The following PTPRT variants were observed in gnomAD, a reference collection of about 807,000 sequenced individuals.
PTPRT encodes receptor-type tyrosine-protein phosphatase T.
PTPRT carries 56 observed loss-of-function variants against 176.8 expected under a neutral mutation model. The ratio of observed to expected loss-of-function variants is 0.32; its 90% CI spans 0.26 to 0.40. The LOEUF is 0.40. Among genes scored for constraint, PTPRT ranks in the 10% least tolerant of loss-of-function variants. The probability of loss-of-function intolerance (pLI) is 1.00; values close to 1 mark genes in which losing one functional copy is unlikely to be tolerated. For synonymous variants in PTPRT, 783 were observed against 739.0 expected, an observed-to-expected ratio of 1.06 and a Z score of -0.96; for missense variants, 1,540 against 1,908.2, an observed-to-expected ratio of 0.81 and a Z score of 3.60.
intron 7 of PTPRT, among the ~76,000 whole-genome samples, chr20:42,547,411 A>G (rs984902961): frequency 2.6e-5 from 4 of 152,028 alleles, no homozygotes; most frequent in African/African-American, 7.2e-5. Context: ...AAAAAAAAAT[A>G]TATTATTTAG....
At chr20:43,151,027 T>C (rs943229786) in intron 1 of PTPRT, among the ~76,000 whole-genome samples, 4 of 151,866 alleles carry the variant, frequency 2.6e-5, no homozygotes, top group African/African-American at 9.7e-5. Context: ...CATAGACTGG[T>C]CGGGTGTGGT....
intron 1 of PTPRT, among the ~76,000 whole-genome samples, chr20:43,085,563 G>A (rs1027332159): frequency 5.9e-5 from 9 of 152,156 alleles, no homozygotes; most frequent in African/African-American, 2.2e-4. Flanking sequence ...TGGCTTGGGA[G>A]GCCTCACAAT....
chr20:42,390,292 T>C (rs73119348), intron 9 of PTPRT, among the ~76,000 whole-genome samples: 12,700 of 152,240 alleles, frequency 0.083, 659 homozygotes, highest in African/African-American at 0.13. Context: ...TGAAATTACA[T>C]CTCTACTTCA....
intron 9 of PTPRT, among the ~76,000 whole-genome samples, chr20:42,427,743 G>T (rs2059178666): frequency 6.6e-6 from 1 of 152,126 alleles, no homozygotes; most frequent in South Asian, 2.1e-4. Flanking sequence ...AGTAACTGAA[G>T]ATCCACAAAA....
intron 13 of PTPRT, among the ~76,000 whole-genome samples, chr20:42,260,750 G>A (rs565772583): frequency 6.6e-6 from 1 of 152,120 alleles, no homozygotes; most frequent in Non-Finnish European, 1.5e-5. Context: ...CAAAGCCCAG[G>A]CCAGGGCATG....
chr20:42,569,110 AT>A lies in PTPRT; in HGVS notation c.1154-96549del, dbSNP rs1472305335. Among the ~76,000 whole-genome samples the A allele has an allele frequency of 1.4e-3, 166 of 121,110 alleles. 2 individuals are homozygous for A. The highest frequency in any genetic ancestry group is 2.2e-3 in the Non-Finnish European group (129 of 58,924). 79.5% of individuals were successfully genotyped at this position (121,110 alleles called of 152,430 possible). A position where few individuals can be genotyped will look rare whatever the true frequency, so the allele number is the denominator to read the frequency against. On this transcript the variant is annotated intron_variant, in intron 7 of 30. Transcript: ENST00000373187. ...TATATATATATATATATATATATAT[AT>A]AATTTCAACTTTCATGCCATGCCAG...
intron 7 of PTPRT, among the ~76,000 whole-genome samples, chr20:42,521,022 A>G (rs2072165122): frequency 6.6e-6 from 1 of 151,130 alleles, no homozygotes; most frequent in South Asian, 2.1e-4. Context: ...TACCTATCTA[A>G]TCCATCCATC....
At chr20:42,421,135 A>G (rs2059114449) in intron 9 of PTPRT, among the ~76,000 whole-genome samples, 1 of 152,046 alleles carries the variant, frequency 6.6e-6, no homozygotes, top group Admixed American at 6.6e-5. Flanking sequence ...AACCCTCAAA[A>G]AGTAAAGTCT....
Position 42,348,608 on chromosome 20 carries a change from T to C in PTPRT, c.1865+2020A>G, listed in dbSNP as rs2213628. 4.1e-4 allele frequency among the ~76,000 whole-genome samples: 62 copies of C among 152,272 alleles called. No individual in the cohort carries two copies. In the East Asian group the frequency reaches 8.9e-3, roughly 22 times the overall value. ...TATTTGCAAAATGAGGAGACTATTA[T>C]ACAATGTTGCGAGAATACAGGTAGT... On this transcript the variant is annotated intron_variant, in intron 11 of 30. Coordinates refer to ENST00000373187, the MANE Select transcript of PTPRT (RefSeq NM_007050.6).
intron 6 of PTPRT, among the ~76,000 whole-genome samples, chr20:42,694,140 G>A (rs1292634900): frequency 6.6e-6 from 1 of 150,614 alleles, no homozygotes; most frequent in East Asian, 2.0e-4. Context: ...CCAGGTTCAC[G>A]CCATTCTCCT....
intron 1 of PTPRT, among the ~76,000 whole-genome samples, chr20:43,018,444 A>G (rs1985478242): frequency 6.6e-6 from 1 of 152,234 alleles, no homozygotes. Flanking sequence ...CCATGATCTG[A>G]AGGATGAAAA....
intron 9 of PTPRT, among the ~76,000 whole-genome samples, chr20:42,391,645 C>T (rs1468881481): frequency 1.3e-5 from 2 of 151,982 alleles, no homozygotes; most frequent in African/African-American, 4.8e-5. Flanking sequence ...GCCTAAAGAG[C>T]GGGAGGAAGG....
chr20:42,797,063 A>C (rs1276039246), intron 2 of PTPRT, among the ~76,000 whole-genome samples: 1 of 152,198 alleles, frequency 6.6e-6, no homozygotes, highest in African/African-American at 2.4e-5. Context: ...CCATACCCCT[A>C]AAGTTTTGTT....
chr20:42,690,448 C>T (rs533352876), intron 6 of PTPRT, among the ~76,000 whole-genome samples: 33 of 152,132 alleles, frequency 2.2e-4, no homozygotes, highest in African/African-American at 7.5e-4. Flanking sequence ...GGAACTAGGC[C>T]GAGGGTTGGG....
chr20:42,203,771 G>T (rs1178633967), intron 15 of PTPRT, among the ~76,000 whole-genome samples: 1 of 152,168 alleles, frequency 6.6e-6, no homozygotes, highest in Admixed American at 6.5e-5. Flanking sequence ...AAATCACAAA[G>T]ACGATGAACA....
chr20:42,035,508 C>A, the PTPRT span, among the ~76,000 whole-genome samples: 2 of 152,256 alleles, frequency 1.3e-5, no homozygotes, highest in Admixed American at 1.3e-4. Flanking sequence ...AGACCCTCAG[C>A]CTAGAGACCT....
chr20:43,083,345 T>TACATATATATATATATATATAC (rs1555828966), intron 1 of PTPRT, among the ~76,000 whole-genome samples: 1 of 117,378 alleles, frequency 8.5e-6, no homozygotes, highest in African/African-American at 3.1e-5. Flanking sequence ...TATATATATA[T>TACATATATATATATATATATAC]ATATATATAT....
At chr20:42,766,080 A>G (rs2145440009) in intron 5 of PTPRT, among the ~76,000 whole-genome samples, 1 of 152,304 alleles carries the variant, frequency 6.6e-6, no homozygotes, top group Middle Eastern at 3.4e-3. Context: ...GCTCTGTGCT[A>G]CACTTATAAT....
In PTPRT at chr20:42,926,832, A is replaced by G. The variant is rs377261757; in HGVS notation, c.89-40900T>C. On this transcript the variant is annotated intron_variant, in intron 1 of 30. Transcript: ENST00000373187. ...TCAGCAAGGGGGCAGCCAGGCTTAC[A>G]ATGCATCCCCAAGAAAGGACGGCAG... 3.4e-4 allele frequency among the ~76,000 whole-genome samples: 52 copies of G among 152,300 alleles called. 2 individuals carry two copies. The South Asian group carries it at 0.011, about 32-fold the overall frequency.
Sources: allele counts gnomAD v4.1 joint callset (sites outside exome capture counted in the v4.1 genomes callset), GRCh38; gene constraint gnomAD v4.1.1; transcripts MANE v1.5; gene names NCBI Gene and HGNC (gene_info 2026-07-23, HGNC 2026-07-21).